Variants in TMEM156 observed in about 807,000 individuals in gnomAD.
TMEM156 encodes transmembrane protein 156.
A neutral mutation model predicts 30.5 loss-of-function variants in TMEM156; 28 were observed. That is an observed-to-expected ratio of 0.92 (90% CI 0.68 to 1.26). The LOEUF (loss-of-function observed/expected upper bound fraction) is 1.26. Among genes scored for constraint, TMEM156 ranks in the 50% most tolerant of loss-of-function variants. The pLI is 0.00. For synonymous variants in TMEM156, 137 were observed against 119.9 expected (o/e 1.14, Z -0.93); for missense variants, 351 against 340.6 (o/e 1.03, Z -0.24).
intron 1 of TMEM156, among the ~76,000 whole-genome samples, chr4:39,017,261 G>A (rs746901420): frequency 1.1e-4 from 14 of 131,398 alleles, no homozygotes; most frequent in East Asian, 4.7e-4. Flanking sequence ...TTCAAGCTCC[G>A]CCTCCCAGGT....
intron 1 of TMEM156, among the ~76,000 whole-genome samples, chr4:39,017,479 C>A (rs974297773): frequency 6.6e-6 from 1 of 151,940 alleles, no homozygotes; most frequent in South Asian, 2.1e-4. Flanking sequence ...GCACCCAGCC[C>A]AAGTATGTAT....
intron 5 of TMEM156, among the ~76,000 whole-genome samples, chr4:38,972,561 T>A (rs79338071): frequency 1.4e-5 from 2 of 144,060 alleles, no homozygotes; most frequent in Non-Finnish European, 3.1e-5. Context: ...TCTTTCTTTC[T>A]TTTTTTTTTT....
chr4:38,974,058 CGTGT>C (rs60030815), intron 5 of TMEM156, among the ~76,000 whole-genome samples: 3,382 of 149,232 alleles, frequency 0.023, 41 homozygotes, highest in East Asian at 0.074. Context: ...GGAAGGAGTG[CGTGT>C]GTGTGTGTGT....
At chr4:38,993,124 C>G (rs893633307) in intron 3 of TMEM156, among the ~76,000 whole-genome samples, 7 of 151,668 alleles carry the variant, frequency 4.6e-5, no homozygotes, top group African/African-American at 1.2e-4. Context: ...TTATTTCACT[C>G]ACAGAAAATA....
chr4:39,001,969 A>G (rs201923153), intron 1 of TMEM156, among the ~76,000 whole-genome samples: 14,739 of 113,614 alleles, frequency 0.13, 1,275 homozygotes, highest in East Asian at 0.28. Flanking sequence ...GGAAATAGGC[A>G]TGGGCAAGGA....
At chr4:39,029,983 A>G (rs1031419535) in intron 1 of TMEM156, among the ~76,000 whole-genome samples, 24 of 151,990 alleles carry the variant, frequency 1.6e-4, no homozygotes, top group Non-Finnish European at 7.4e-5. Flanking sequence ...ACCACTAAAT[A>G]ATGTAAAAGA....
At chr4:38,970,754 C>T (rs16995025) in intron 6 of TMEM156, among the ~76,000 whole-genome samples, 3,472 of 152,140 alleles carry the variant, frequency 0.023, 140 homozygotes, top group African/African-American at 0.079. Context: ...GGCTCAACTC[C>T]GGAAAAACAG....
At chr4:39,027,021 T>C (rs1210551249) in intron 1 of TMEM156, among the ~76,000 whole-genome samples, 1 of 152,222 alleles carries the variant, frequency 6.6e-6, no homozygotes, top group Non-Finnish European at 1.5e-5. Context: ...TTTCTAAAGA[T>C]TTTCAGAACA....
chr4:39,025,483 A>G (rs1715148087), intron 1 of TMEM156, among the ~76,000 whole-genome samples: 1 of 152,330 alleles, frequency 6.6e-6, no homozygotes, highest in South Asian at 2.1e-4. Flanking sequence ...AAAGAGGGAA[A>G]AACATATCAT....
At chr4:39,002,597 A>T (rs199608471) in intron 1 of TMEM156, among the ~76,000 whole-genome samples, 32 of 138,818 alleles carry the variant, frequency 2.3e-4, no homozygotes, top group Non-Finnish European at 3.2e-4. Flanking sequence ...ATGTTTATTG[A>T]GGCATTATTC....
chr4:39,016,076 C>T (rs1714460996), intron 1 of TMEM156, among the ~76,000 whole-genome samples: 1 of 152,030 alleles, frequency 6.6e-6, no homozygotes, highest in African/African-American at 2.4e-5. Flanking sequence ...ACAAATAGTC[C>T]TTTAAAATAA....
intron 5 of TMEM156, among the ~76,000 whole-genome samples, chr4:38,980,661 T>C (rs1333035161): frequency 6.6e-6 from 1 of 152,124 alleles, no homozygotes; most frequent in Non-Finnish European, 1.5e-5. Flanking sequence ...TGTACGGTGT[T>C]ATGAGGGTGT....
intron 1 of TMEM156, among the ~76,000 whole-genome samples, chr4:39,010,828 A>C (rs1269584220): frequency 1.3e-5 from 2 of 152,250 alleles, no homozygotes; most frequent in African/African-American, 2.4e-5. Context: ...AAACCTAGGA[A>C]ATACTTTTCT....
intron 1 of TMEM156, among the ~76,000 whole-genome samples, chr4:39,006,057 G>A (rs1019605621): frequency 6.6e-6 from 1 of 152,016 alleles, no homozygotes; most frequent in Admixed American, 6.6e-5. Context: ...CGCCATGCCT[G>A]GCTAATTTTT....
chr4:39,004,572 T>C (rs1315636371), intron 1 of TMEM156, among the ~76,000 whole-genome samples: 1 of 152,144 alleles, frequency 6.6e-6, no homozygotes, highest in Non-Finnish European at 1.5e-5. Flanking sequence ...ATATGGAATA[T>C]ACCATATGTA....
In TMEM156 at chr4:38,977,472, A is replaced by G. The variant is rs1209959644; in HGVS notation, c.824-6335T>C. ...TCCAAAGTCATGTAACTTATATGGT[A>G]ATAGCAAATCTTCTAAAAATTGATT... On this transcript the variant is annotated intron_variant, in intron 5 of 6. Coordinates refer to ENST00000381938, the MANE Select transcript of TMEM156 (RefSeq NM_024943.3). Among the ~76,000 whole-genome samples the G allele has an allele frequency of 2.0e-5, 3 of 152,224 alleles. No individual in the cohort carries two copies. In the East Asian group the frequency reaches 5.8e-4, roughly 29 times the overall value.
At chr4:39,026,003 T>C (rs1715180217) in intron 1 of TMEM156, among the ~76,000 whole-genome samples, 1 of 152,232 alleles carries the variant, frequency 6.6e-6, no homozygotes, top group South Asian at 2.1e-4. Flanking sequence ...CAGATATTCA[T>C]TGAGTGCCCT....
chr4:38,986,807 CAAAAAAAAAAAAAAAAAAAAAAAAAAA>C (rs59087758), intron 4 of TMEM156, among the ~76,000 whole-genome samples: 24 of 23,746 alleles, frequency 1.0e-3, no homozygotes, highest in Admixed American at 1.2e-3. Flanking sequence ...GACTCCATCT[CAAAAAAAAAAAAAAAAAAAAAAAAAAA>C]AAAAAAAAAA....
chr4:38,974,050 AAGG>A, intron 5 of TMEM156, among the ~76,000 whole-genome samples: 1 of 119,742 alleles, frequency 8.4e-6, no homozygotes, highest in South Asian at 3.2e-4. Flanking sequence ...CTTGATCAGG[AAGG>A]AGTGCGTGTG....
Sources: allele counts gnomAD v4.1 joint callset (sites outside exome capture counted in the v4.1 genomes callset), GRCh38; gene constraint gnomAD v4.1.1; transcripts MANE v1.5; gene names NCBI Gene and HGNC (gene_info 2026-07-23, HGNC 2026-07-21).